The following MTA3 variants were observed in gnomAD, a reference collection of about 807,000 sequenced individuals.
MTA3 encodes metastasis-associated protein MTA3.
Under a neutral mutation model 83.5 loss-of-function variants are expected in MTA3, and 34 were observed. That is an observed-to-expected ratio of 0.41 (90% CI 0.31 to 0.54). The LOEUF (loss-of-function observed/expected upper bound fraction) is 0.54, where lower values mean the gene tolerates loss of function less well. Ranked by LOEUF, MTA3 falls within the 20% of genes least tolerant of loss-of-function variation. The pLI is 0.33. For missense variants in MTA3, 761 were observed against 726.4 expected, an observed-to-expected ratio of 1.05 and a Z score of -0.55; for synonymous variants, 303 against 252.7, an observed-to-expected ratio of 1.20 and a Z score of -1.89.
intron 2 of MTA3, among the ~76,000 whole-genome samples, chr2:42,526,946 C>T (rs371004149): frequency 1.4e-5 from 2 of 146,994 alleles, no homozygotes; most frequent in African/African-American, 5.0e-5. Context: ...CCCAGCTACT[C>T]GAGAAGCTGA....
chr2:42,738,900 T>C (rs915351667), intron 16 of MTA3, among the ~76,000 whole-genome samples: 1 of 152,194 alleles, frequency 6.6e-6, no homozygotes, highest in Admixed American at 6.5e-5. Flanking sequence ...TCCTGCTTAA[T>C]AAATTTTGGT....
At chr2:42,557,878 T>A (rs1677474940) in intron 2 of MTA3, among the ~76,000 whole-genome samples, 1 of 151,764 alleles carries the variant, frequency 6.6e-6, no homozygotes, top group African/African-American at 2.4e-5. Context: ...ATGTGGGGGG[T>A]TCATGAGTCC....
intron 16 of MTA3, among the ~76,000 whole-genome samples, chr2:42,750,134 G>T (rs1669763590): frequency 6.6e-6 from 1 of 152,072 alleles, no homozygotes; most frequent in Non-Finnish European, 1.5e-5. Flanking sequence ...TGGGATACAG[G>T]TGCGCCCCAT....
intron 7 of MTA3, among the ~76,000 whole-genome samples, chr2:42,656,631 G>A (rs1379545433): frequency 1.3e-5 from 2 of 152,106 alleles, no homozygotes; most frequent in Non-Finnish European, 2.9e-5. Context: ...CTCTAGACAT[G>A]GATTATTCAG....
intron 2 of MTA3, among the ~76,000 whole-genome samples, chr2:42,537,565 C>CA (rs199738304): frequency 0.042 from 5,963 of 143,634 alleles, 152 homozygotes; most frequent in South Asian, 0.093. Context: ...AACTCCATCT[C>CA]AAAAAAATAA....
chr2:42,668,775 C>T (rs1388380754), intron 8 of MTA3, among the ~76,000 whole-genome samples: 2 of 152,094 alleles, frequency 1.3e-5, no homozygotes, highest in African/African-American at 4.8e-5. Context: ...CAAGAAGTCA[C>T]TGTAAGAGTT....
intron 2 of MTA3, among the ~76,000 whole-genome samples, chr2:42,510,731 C>G (rs539712657): frequency 6.6e-5 from 10 of 152,220 alleles, no homozygotes; most frequent in Admixed American, 3.9e-4. Flanking sequence ...TGCTGGAGAT[C>G]AGGGGAAGAA....
At chr2:42,573,863 GGCTAGAGT>G (rs1678752426) in intron 2 of MTA3, among the ~76,000 whole-genome samples, 1 of 151,268 alleles carries the variant, frequency 6.6e-6, no homozygotes, top group South Asian at 2.1e-4. Flanking sequence ...CCGTCGACCA[GGCTAGAGT>G]GCAGTGGCGC....
intron 8 of MTA3, among the ~76,000 whole-genome samples, chr2:42,662,330 A>G (rs552727685): frequency 2.0e-5 from 3 of 151,688 alleles, no homozygotes; most frequent in African/African-American, 7.2e-5. Flanking sequence ...TTATATTTAT[A>G]TATATAAATT....
At chr2:42,644,105 TG>T in intron 5 of MTA3, 21 bp from the exon 6 acceptor site, 1 of 1,409,060 alleles carries the variant, frequency 7.1e-7, no homozygotes, top group Non-Finnish European at 9.9e-7. Flanking sequence ...AGTATACCTA[TG>T]TATTTTGTCA....
intron 4 of MTA3, among the ~76,000 whole-genome samples, chr2:42,619,475 A>G (rs1685287826): frequency 6.6e-6 from 1 of 152,232 alleles, no homozygotes; most frequent in Non-Finnish European, 1.5e-5. Context: ...ACATCAAATG[A>G]ATCTAAAGAA....
chr2:42,715,518 C>T (rs1181750598), intron 14 of MTA3, among the ~76,000 whole-genome samples: 1 of 150,830 alleles, frequency 6.6e-6, no homozygotes, highest in Non-Finnish European at 1.5e-5. Flanking sequence ...GATCCTCCCT[C>T]CTCCTCCTCC....
intron 2 of MTA3, among the ~76,000 whole-genome samples, chr2:42,544,688 T>G (rs1676679460): frequency 1.3e-5 from 2 of 151,660 alleles, no homozygotes; most frequent in South Asian, 4.2e-4. Context: ...TGCCCAGCAT[T>G]TTTTTAAAAA....
At chr2:42,624,324 A>T (rs1368612145) in intron 4 of MTA3, among the ~76,000 whole-genome samples, 1 of 151,232 alleles carries the variant, frequency 6.6e-6, no homozygotes, top group African/African-American at 2.4e-5. Flanking sequence ...TTAATTTTTT[A>T]ATTTTTTATT....
intron 9 of MTA3, 112 bp from the exon 10 acceptor site, chr2:42,695,653 A>G (rs1261933767): frequency 2.2e-6 from 1 of 455,152 alleles, no homozygotes; most frequent in African/African-American, 2.2e-5. Flanking sequence ...AAAAAAAAAA[A>G]AAAAAAAAGA....
At position 42,635,744 on chromosome 2, in the gene MTA3, C is replaced by T. The variant is rs1573407970; in HGVS notation, c.318-4429C>T. 2.0e-5 allele frequency among the ~76,000 whole-genome samples: 3 copies of T among 152,156 alleles called. No individual in the cohort carries two copies. The East Asian group carries it at 5.8e-4, about 29-fold the overall frequency. On this transcript the variant is annotated intron_variant, in intron 4 of 16. Coordinates refer to ENST00000405094, the MANE Select transcript of MTA3 (RefSeq NM_001330442.2). ...TTGTTGAACAAGGCAAGTTTAATGT[C>T]AAACTCTGCATCTATAGGAATTTTT...
At chr2:42,551,916 C>T (rs961102223) in intron 2 of MTA3, among the ~76,000 whole-genome samples, 1 of 151,850 alleles carries the variant, frequency 6.6e-6, no homozygotes. Context: ...TTAGTAGAGA[C>T]GGGGTTTCAC....
At chr2:42,541,747 T>C (rs1295723043) in intron 2 of MTA3, among the ~76,000 whole-genome samples, 3 of 152,220 alleles carry the variant, frequency 2.0e-5, no homozygotes, top group African/African-American at 7.2e-5. Flanking sequence ...AGGTTATAGC[T>C]GTCAGTATAT....
At chr2:42,525,194 CTTCT>C (rs1675631491) in intron 2 of MTA3, among the ~76,000 whole-genome samples, 1 of 121,926 alleles carries the variant, frequency 8.2e-6, no homozygotes. Context: ...TTTTCTTCTT[CTTCT>C]TTTTTTTTTT....
Sources: allele counts gnomAD v4.1 joint callset (sites outside exome capture counted in the v4.1 genomes callset), GRCh38; gene constraint gnomAD v4.1.1; transcripts MANE v1.5; gene names NCBI Gene and HGNC (gene_info 2026-07-23, HGNC 2026-07-21).